The following ADGRL3 variants were observed in gnomAD, a reference collection of about 807,000 sequenced individuals.
The protein encoded by ADGRL3 is adhesion G protein-coupled receptor L3, also known as calcium-independent alpha-latrotoxin receptor 3.
ADGRL3 carries 62 observed loss-of-function variants against 153.5 expected under a neutral mutation model. That is an observed-to-expected ratio of 0.40 (90% CI 0.33 to 0.50). ADGRL3 has a LOEUF of 0.50. Among genes scored for constraint, ADGRL3 ranks in the 20% least tolerant of loss-of-function variants. The pLI, the probability that ADGRL3 is intolerant of heterozygous loss-of-function variation, is 0.47. For missense variants in ADGRL3, 1,641 were observed against 1,859.4 expected, an observed-to-expected ratio of 0.88 and a Z score of 2.16; for synonymous variants, 710 against 672.5, an observed-to-expected ratio of 1.06 and a Z score of -0.86.
chr4:61,215,918 T>G (rs550590782), intron 1 of ADGRL3, among the ~76,000 whole-genome samples: 7 of 152,256 alleles, frequency 4.6e-5, no homozygotes, highest in African/African-American at 1.7e-4. Context: ...TATCACTCTC[T>G]TAACTTGTAT....
At chr4:61,677,753 T>C (rs1341695974) in intron 6 of ADGRL3, among the ~76,000 whole-genome samples, 1 of 151,976 alleles carries the variant, frequency 6.6e-6, no homozygotes, top group Non-Finnish European at 1.5e-5. Context: ...TCAACTTCCT[T>C]TGATGTTTCA....
Position 61,225,140 on chromosome 4 carries a change from C to T in ADGRL3, c.-240+23375C>T, listed in dbSNP as rs754841911. Among the ~76,000 whole-genome samples, 150 of 152,262 alleles carry T rather than the reference C, an allele frequency of 9.9e-4. 1 individual carries two copies. The Middle Eastern group carries it at 0.024, about 24-fold the overall frequency. ...GTCATTTCAACCTCTGATTATAATT[C>T]AACCCTGGAATTTAGTAATTTGTAC... is the stretch of plus-strand genomic sequence containing the variant. On this transcript the variant is annotated intron_variant, in intron 1 of 26. Transcript: ENST00000683033.
At chr4:61,746,093 G>C (rs1312557323) in intron 8 of ADGRL3, among the ~76,000 whole-genome samples, 1 of 152,060 alleles carries the variant, frequency 6.6e-6, no homozygotes, top group Non-Finnish European at 1.5e-5. Flanking sequence ...AACCAACAAA[G>C]ATCAAAGAGA....
chr4:61,884,620 T>C (rs2098526690), intron 9 of ADGRL3, among the ~76,000 whole-genome samples: 1 of 152,010 alleles, frequency 6.6e-6, no homozygotes, highest in Non-Finnish European at 1.5e-5. Context: ...TCTTTTATTA[T>C]TTATTTATTT....
chr4:61,953,248 G>T (rs1019480402), intron 17 of ADGRL3, among the ~76,000 whole-genome samples: 1 of 152,116 alleles, frequency 6.6e-6, no homozygotes, highest in Non-Finnish European at 1.5e-5. Context: ...AGGAAAATCT[G>T]TAAAGGAAAC....
intron 1 of ADGRL3, among the ~76,000 whole-genome samples, chr4:61,252,811 C>G (rs897807650): frequency 2.0e-5 from 3 of 151,752 alleles, no homozygotes; most frequent in Non-Finnish European, 4.4e-5. Context: ...TCTAAATGAC[C>G]ATACTGTCTT....
In ADGRL3 at chr4:61,366,501, C is replaced by T. The variant is rs368563283; in HGVS notation, c.-239-16623C>T. Among the ~76,000 whole-genome samples, 21 of 152,190 alleles carry T rather than the reference C, an allele frequency of 1.4e-4. 1 individual carries two copies. The highest frequency in any genetic ancestry group is 3.9e-4 in the East Asian group (2 of 5,186). On this transcript the variant is annotated intron_variant, in intron 1 of 26. Transcript: ENST00000683033. ...ATAAATAGCATCTAAGCAAATAAAG[C>T]GGATTTGGACCAAATCCATTTTGCC...
intron 2 of ADGRL3, among the ~76,000 whole-genome samples, chr4:61,495,554 G>A (rs1295184770): frequency 6.6e-6 from 1 of 151,596 alleles, no homozygotes; most frequent in East Asian, 1.9e-4. Flanking sequence ...AAGGAAGGAA[G>A]GCCCAATTTG....
intron 5 of ADGRL3, among the ~76,000 whole-genome samples, chr4:61,630,116 T>C (rs1283606138): frequency 6.6e-6 from 1 of 152,190 alleles, no homozygotes; most frequent in Non-Finnish European, 1.5e-5. Flanking sequence ...ATTATGCTTT[T>C]CCTGGATTTT....
chr4:61,428,129 T>TG (rs1050634563), intron 2 of ADGRL3: 1 of 152,674 alleles, frequency 6.5e-6, no homozygotes, highest in Admixed American at 6.5e-5. Context: ...CAACCTGAGC[T>TG]GGGGTCCAAG....
At chr4:62,019,026 C>T (rs2099226011) in intron 21 of ADGRL3, among the ~76,000 whole-genome samples, 1 of 152,138 alleles carries the variant, frequency 6.6e-6, no homozygotes, top group South Asian at 2.1e-4. Context: ...GAAAGTGACT[C>T]TGTAACCAAC....
intron 8 of ADGRL3, among the ~76,000 whole-genome samples, chr4:61,782,021 G>C (rs1011174528): frequency 2.0e-5 from 3 of 152,144 alleles, no homozygotes; most frequent in African/African-American, 2.4e-5. Flanking sequence ...TACAGTGAAT[G>C]TGTAATGGAA....
intron 4 of ADGRL3, among the ~76,000 whole-genome samples, chr4:61,532,232 C>T (rs1269249950): frequency 6.6e-6 from 1 of 152,104 alleles, no homozygotes; most frequent in Non-Finnish European, 1.5e-5. Context: ...GCATTTATAG[C>T]CAGAGCAGCT....
intron 8 of ADGRL3, among the ~76,000 whole-genome samples, chr4:61,752,555 T>TCTTA (rs2096770227): frequency 6.6e-6 from 1 of 152,170 alleles, no homozygotes; most frequent in African/African-American, 2.4e-5. Context: ...GGAGAGTACT[T>TCTTA]CTTACATGAT....
chr4:61,899,750 C>A (rs1215414345), intron 11 of ADGRL3, among the ~76,000 whole-genome samples: 2 of 152,142 alleles, frequency 1.3e-5, no homozygotes, highest in Non-Finnish European at 2.9e-5. Flanking sequence ...AGTCCAAGAT[C>A]AGGGTGCTGG....
rs116225387 is a variant in ADGRL3, at chr4:61,781,684, A to G, written c.1400-32125A>G. Among the ~76,000 whole-genome samples, 889 of 152,264 alleles carry G rather than the reference A, an allele frequency of 5.8e-3. 13 individuals carry two copies. The highest frequency in any genetic ancestry group is 0.02 in the African/African-American group (843 of 41,558). ...TCTATTAGGATGTGTGGCAATTCTGATATTATTCCTGTTTAAAATAATATG... is the reference window on the plus strand; with the variant it reads ...TCTATTAGGATGTGTGGCAATTCTGGTATTATTCCTGTTTAAAATAATATG... On this transcript the variant is annotated intron_variant, in intron 8 of 26. Transcript: ENST00000683033.
chr4:61,717,219 T>C (rs946790897), intron 6 of ADGRL3, among the ~76,000 whole-genome samples: 1 of 41,718 alleles, frequency 2.4e-5, no homozygotes, highest in Non-Finnish European at 4.2e-5. Flanking sequence ...TGTGTGTGTG[T>C]GCGTGTGTGT....
intron 5 of ADGRL3, among the ~76,000 whole-genome samples, chr4:61,656,971 C>A (rs2094458069): frequency 6.6e-6 from 1 of 152,194 alleles, no homozygotes; most frequent in African/African-American, 2.4e-5. Context: ...TTTCCCCTTG[C>A]AAAAGCAGCA....
chr4:61,549,580 T>C (rs1401574343), intron 4 of ADGRL3, among the ~76,000 whole-genome samples: 1 of 151,908 alleles, frequency 6.6e-6, no homozygotes, highest in Non-Finnish European at 1.5e-5. Context: ...CATCATTCTA[T>C]TTCAATTCTC....
Sources: allele counts gnomAD v4.1 joint callset (sites outside exome capture counted in the v4.1 genomes callset), GRCh38; gene constraint gnomAD v4.1.1; transcripts MANE v1.5; gene names NCBI Gene and HGNC (gene_info 2026-07-23, HGNC 2026-07-21).